Variants in CCDC91 observed in about 807,000 individuals in gnomAD.
CCDC91 encodes the protein coiled-coil domain containing 91.
In CCDC91, 48 loss-of-function variants were observed where a neutral mutation model predicts 63.2. The ratio of observed to expected loss-of-function variants is 0.76; its 90% CI spans 0.60 to 0.97. The LOEUF (loss-of-function observed/expected upper bound fraction) is 0.97, where lower values mean the gene tolerates loss of function less well. Among genes scored for constraint, CCDC91 ranks in the 50% least tolerant of loss-of-function variants. The probability of loss-of-function intolerance (pLI) is 0.00; values close to 1 mark genes in which losing one functional copy is unlikely to be tolerated. For synonymous variants in CCDC91, 167 were observed against 165.8 expected, an observed-to-expected ratio of 1.01 and a Z score of -0.06; for missense variants, 500 against 494.6, an observed-to-expected ratio of 1.01 and a Z score of -0.10.
At chr12:28,315,221 G>A (rs1592283003) in intron 6 of CCDC91, among the ~76,000 whole-genome samples, 1 of 151,696 alleles carries the variant, frequency 6.6e-6, no homozygotes, top group East Asian at 1.9e-4. Flanking sequence ...GCTGGAATCA[G>A]TGGCATGATC....
chr12:28,517,634 A>G (rs937414608), intron 12 of CCDC91, among the ~76,000 whole-genome samples: 1 of 151,926 alleles, frequency 6.6e-6, no homozygotes. Context: ...ATTTGGTTAC[A>G]TGAGTAAGTT....
chr12:28,209,086 G>A (rs536316657), intron 1 of CCDC91, among the ~76,000 whole-genome samples: 136 of 152,170 alleles, frequency 8.9e-4, no homozygotes, highest in African/African-American at 2.9e-3. Context: ...GATTACAGGC[G>A]TGAGCCACCA....
chr12:28,333,546 G>C (rs1158831388), intron 6 of CCDC91, among the ~76,000 whole-genome samples: 4 of 152,054 alleles, frequency 2.6e-5, no homozygotes, highest in South Asian at 2.1e-4. Context: ...TGGAATCTTC[G>C]AATAATATAG....
At chr12:28,373,708 C>A (rs1367715458) in intron 7 of CCDC91, among the ~76,000 whole-genome samples, 2 of 152,086 alleles carry the variant, frequency 1.3e-5, no homozygotes, top group Non-Finnish European at 2.9e-5. Context: ...TACCTTGTCA[C>A]ATGATTTGGC....
At chr12:28,341,034 G>T (rs1942379906) in intron 6 of CCDC91, among the ~76,000 whole-genome samples, 1 of 152,130 alleles carries the variant, frequency 6.6e-6, no homozygotes, top group African/African-American at 2.4e-5. Context: ...AGTGATGCGG[G>T]CTTTCTTCTG....
At chr12:28,431,389 A>G (rs1948617550) in intron 8 of CCDC91, among the ~76,000 whole-genome samples, 1 of 152,010 alleles carries the variant, frequency 6.6e-6, no homozygotes, top group African/African-American at 2.4e-5. Flanking sequence ...TGCTTGCTTT[A>G]TGGAATATGA....
At chr12:28,242,642 T>C (rs1293164660) in intron 1 of CCDC91, among the ~76,000 whole-genome samples, 1 of 152,046 alleles carries the variant, frequency 6.6e-6, no homozygotes, top group Non-Finnish European at 1.5e-5. Context: ...TATTGGGGTC[T>C]AGGTTGTTAT....
At chr12:28,325,659 C>G (rs1430143342) in intron 6 of CCDC91, among the ~76,000 whole-genome samples, 5 of 151,622 alleles carry the variant, frequency 3.3e-5, no homozygotes, top group African/African-American at 1.2e-4. Context: ...TTGAAGATGG[C>G]AAGAAGAGGA....
intron 1 of CCDC91, among the ~76,000 whole-genome samples, chr12:28,211,263 G>A (rs1943213424): frequency 6.6e-6 from 1 of 151,884 alleles, no homozygotes; most frequent in Non-Finnish European, 1.5e-5. Context: ...TTGCCAACAT[G>A]CCAAGCCTCT....
chr12:28,534,608 G>C (rs779186486), intron 12 of CCDC91, among the ~76,000 whole-genome samples: 1 of 152,062 alleles, frequency 6.6e-6, no homozygotes, highest in African/African-American at 2.4e-5. Context: ...CTCCCTGGAG[G>C]CCTCAATCCT....
intron 12 of CCDC91, among the ~76,000 whole-genome samples, chr12:28,499,479 T>C (rs1952503540): frequency 6.6e-6 from 1 of 151,888 alleles, no homozygotes; most frequent in African/African-American, 2.4e-5. Flanking sequence ...CTATATTAGG[T>C]ATTTCTCCTA....
chr12:28,527,514 G>A (rs1941364235), intron 12 of CCDC91, among the ~76,000 whole-genome samples: 1 of 152,220 alleles, frequency 6.6e-6, no homozygotes, highest in South Asian at 2.1e-4. Flanking sequence ...TGGCAGGGGA[G>A]TGAAATGGAC....
intron 1 of CCDC91, among the ~76,000 whole-genome samples, chr12:28,223,280 G>T (rs1944066382): frequency 6.6e-6 from 1 of 152,018 alleles, no homozygotes; most frequent in South Asian, 2.1e-4. Context: ...TTACTTAAAG[G>T]AGTAGGTGGA....
At chr12:28,510,215 A>T (rs1939213317) in intron 12 of CCDC91, among the ~76,000 whole-genome samples, 1 of 117,202 alleles carries the variant, frequency 8.5e-6, no homozygotes, top group Admixed American at 8.1e-5. Flanking sequence ...AGGATTCTCC[A>T]GAGAGACAGA....
intron 1 of CCDC91, among the ~76,000 whole-genome samples, chr12:28,251,902 A>G (rs1946140818): frequency 6.6e-6 from 1 of 152,016 alleles, no homozygotes; most frequent in Non-Finnish European, 1.5e-5. Context: ...CTTTAGTTGG[A>G]TCTTTCCTAA....
chr12:28,363,304 G>A (rs1201848137), intron 7 of CCDC91, among the ~76,000 whole-genome samples: 1 of 151,740 alleles, frequency 6.6e-6, no homozygotes, highest in African/African-American at 2.4e-5. Context: ...ACTCTTTCTT[G>A]CTGTATTTAC....
intron 1 of CCDC91, among the ~76,000 whole-genome samples, chr12:28,247,064 G>A (rs541979036): frequency 6.6e-6 from 1 of 152,330 alleles, no homozygotes; most frequent in East Asian, 1.9e-4. Context: ...AGAAAGCGTA[G>A]TGATTTGGCC....
chr12:28,498,390 GAGAA>G (rs1345391230), intron 12 of CCDC91, among the ~76,000 whole-genome samples: 1 of 151,582 alleles, frequency 6.6e-6, no homozygotes, highest in Non-Finnish European at 1.5e-5. Flanking sequence ...GAGTGCAAGA[GAGAA>G]AGCCCAAACA....
At chr12:28,488,166 T>A (rs1024682328) in intron 12 of CCDC91, among the ~76,000 whole-genome samples, 2 of 151,800 alleles carry the variant, frequency 1.3e-5, no homozygotes, top group Admixed American at 6.6e-5. Context: ...CTGAGAAAAT[T>A]TTAATTTTAA....
Sources: allele counts gnomAD v4.1 joint callset (sites outside exome capture counted in the v4.1 genomes callset), GRCh38; gene constraint gnomAD v4.1.1; transcripts MANE v1.5; gene names NCBI Gene and HGNC (gene_info 2026-07-23, HGNC 2026-07-21).